Variants in SPAG16 observed in about 807,000 individuals in gnomAD.
SPAG16 encodes sperm associated antigen 16.
In SPAG16, 86 loss-of-function variants were observed where a neutral mutation model predicts 80.4. That is an observed-to-expected ratio of 1.07 (90% CI 0.90 to 1.28). The LOEUF is 1.28. SPAG16 is among the 50% of genes most tolerant of loss of function. SPAG16 has a pLI of 0.00. For missense variants in SPAG16, 870 were observed against 765.3 expected, an observed-to-expected ratio of 1.14 and a Z score of -1.61; for synonymous variants, 294 against 265.9, an observed-to-expected ratio of 1.11 and a Z score of -1.03.
At chr2:213,811,719 TG>T (rs2072166095) in intron 10 of SPAG16, among the ~76,000 whole-genome samples, 3 of 152,324 alleles carry the variant, frequency 2.0e-5, no homozygotes, top group Non-Finnish European at 4.4e-5. Context: ...GTCAGGTTAG[TG>T]GTTGAGAACT....
Position 214,048,182 on chromosome 2 carries a change from C to T in SPAG16, c.1527+34105C>T, listed in dbSNP as rs181103636. 1.4e-4 allele frequency among the ~76,000 whole-genome samples: 21 copies of T among 152,244 alleles called. No homozygotes were observed. In the East Asian group the frequency reaches 4.1e-3, roughly 29 times the overall value. On this transcript the variant is annotated intron_variant, in intron 13 of 15. Transcript: ENST00000331683. The stretch of plus-strand genomic sequence containing the variant: ...GAGCTATCATAAGATCTAGCAATCC[C>T]ATGCCTAGGTATATACTCCAAAGAA...
rs186349776 is a variant in SPAG16, at chr2:213,362,552, A to C, written c.763-1524A>C. Among the ~76,000 whole-genome samples, 143 of 152,314 alleles carry C rather than the reference A, an allele frequency of 9.4e-4. 2 individuals carry two copies. In the Middle Eastern group the frequency reaches 0.01, roughly 11 times the overall value. On this transcript the variant is annotated intron_variant, in intron 7 of 15. Transcript: ENST00000331683. ...AAGGTGAACATCATCAGTTTTAAGT[A>C]CTGTTGGTAGCATGAACCTATGATG...
At chr2:213,768,987 C>T (rs186303682) in intron 10 of SPAG16, among the ~76,000 whole-genome samples, 134 of 151,966 alleles carry the variant, frequency 8.8e-4, no homozygotes, top group African/African-American at 2.8e-3. Flanking sequence ...TCAGGAAATC[C>T]CAGGAAAGAG....
chr2:214,390,995 T>C (rs1701049720), intron 15 of SPAG16, among the ~76,000 whole-genome samples: 1 of 152,168 alleles, frequency 6.6e-6, no homozygotes, highest in African/African-American at 2.4e-5. Flanking sequence ...ATTAGGTATT[T>C]GTGACTTCAG....
intron 13 of SPAG16, among the ~76,000 whole-genome samples, chr2:214,095,821 T>G (rs2052551757): frequency 6.6e-6 from 1 of 151,988 alleles, no homozygotes; most frequent in Admixed American, 6.6e-5. Context: ...AGTTAAACAT[T>G]TGTTAAGATA....
chr2:214,401,330 T>C (rs2126145418), intron 15 of SPAG16, among the ~76,000 whole-genome samples: 1 of 152,124 alleles, frequency 6.6e-6, no homozygotes, highest in East Asian at 1.9e-4. Context: ...CCTATCTATA[T>C]TGATTTAGAG....
At chr2:213,457,429 T>C (rs937740652) in intron 9 of SPAG16, among the ~76,000 whole-genome samples, 1 of 152,200 alleles carries the variant, frequency 6.6e-6, no homozygotes, top group Non-Finnish European at 1.5e-5. Flanking sequence ...CTTCACACTT[T>C]GTTCGGTATT....
At chr2:213,403,941 T>G (rs1204539810) in intron 9 of SPAG16, among the ~76,000 whole-genome samples, 1 of 152,074 alleles carries the variant, frequency 6.6e-6, no homozygotes, top group Admixed American at 6.5e-5. Flanking sequence ...AAATCATGAG[T>G]GAACTCCCAT....
intron 10 of SPAG16, among the ~76,000 whole-genome samples, chr2:213,641,220 G>A (rs1336033041): frequency 1.3e-5 from 2 of 152,130 alleles, no homozygotes; most frequent in African/African-American, 4.8e-5. Context: ...GGAAGTGGAG[G>A]AAAGCTGGCA....
chr2:213,765,010 T>C (rs1164235030), intron 10 of SPAG16, among the ~76,000 whole-genome samples: 1 of 152,124 alleles, frequency 6.6e-6, no homozygotes. Flanking sequence ...GCAGGCCTTT[T>C]CCACTTCCGG....
intron 10 of SPAG16, among the ~76,000 whole-genome samples, chr2:213,738,432 T>A (rs2067392745): frequency 1.3e-5 from 2 of 152,220 alleles, no homozygotes; most frequent in Non-Finnish European, 2.9e-5. Context: ...ATTTTCCACA[T>A]TCCTTAAAAT....
intron 15 of SPAG16, among the ~76,000 whole-genome samples, chr2:214,386,260 A>G (rs1700745364): frequency 6.6e-6 from 1 of 151,976 alleles, no homozygotes; most frequent in Admixed American, 6.6e-5. Context: ...CTGTAATCCC[A>G]GCTACTTGTC....
chr2:214,128,923 G>A (rs1406319249), intron 14 of SPAG16, among the ~76,000 whole-genome samples: 20 of 151,724 alleles, frequency 1.3e-4, no homozygotes, highest in Non-Finnish European at 2.9e-4. Flanking sequence ...CTAAAGCGGG[G>A]AAGTACCCCT....
intron 9 of SPAG16, among the ~76,000 whole-genome samples, chr2:213,481,453 A>G (rs1315062484): frequency 6.6e-6 from 1 of 152,222 alleles, no homozygotes; most frequent in African/African-American, 2.4e-5. Flanking sequence ...AAAAGTTGTT[A>G]TAACCATTTA....
intron 10 of SPAG16, among the ~76,000 whole-genome samples, chr2:213,593,240 C>T (rs1396030046): frequency 6.6e-6 from 1 of 152,024 alleles, no homozygotes; most frequent in Non-Finnish European, 1.5e-5. Context: ...CTTCTAATAC[C>T]CCTGTCAGAT....
chr2:214,056,085 A>G (rs752553375), intron 13 of SPAG16, among the ~76,000 whole-genome samples: 3 of 152,120 alleles, frequency 2.0e-5, no homozygotes, highest in Non-Finnish European at 4.4e-5. Flanking sequence ...AATGGAATAT[A>G]GAGTGGCAAG....
intron 9 of SPAG16, among the ~76,000 whole-genome samples, chr2:213,453,551 AAG>A (rs1220510922): frequency 5.3e-5 from 8 of 152,218 alleles, no homozygotes; most frequent in African/African-American, 1.7e-4. Context: ...ATTGTGGTAA[AAG>A]AGATTCTGAG....
At chr2:213,607,634 T>C (rs967028578) in intron 10 of SPAG16, among the ~76,000 whole-genome samples, 2 of 152,240 alleles carry the variant, frequency 1.3e-5, no homozygotes, top group Non-Finnish European at 2.9e-5. Flanking sequence ...AAGGCTTAGA[T>C]GCACACCGGA....
At chr2:213,981,580 G>C (rs546668152) in intron 12 of SPAG16, among the ~76,000 whole-genome samples, 2 of 152,162 alleles carry the variant, frequency 1.3e-5, no homozygotes, top group Admixed American at 1.3e-4. Context: ...ACTCATTAAA[G>C]AGATTAATAG....
Sources: allele counts gnomAD v4.1 joint callset (sites outside exome capture counted in the v4.1 genomes callset), GRCh38; gene constraint gnomAD v4.1.1; transcripts MANE v1.5; gene names NCBI Gene and HGNC (gene_info 2026-07-23, HGNC 2026-07-21).